Variants in GALNT13 observed in about 807,000 individuals in gnomAD.
The protein encoded by GALNT13 is UDP-GalNAc:polypeptide N-acetylgalactosaminyltransferase 13.
A neutral mutation model predicts 64.2 loss-of-function variants in GALNT13; 28 were observed. The ratio of observed to expected loss-of-function variants is 0.44; its 90% CI spans 0.32 to 0.60. The LOEUF (loss-of-function observed/expected upper bound fraction) is 0.60. Ranked by LOEUF, GALNT13 falls within the 20% of genes least tolerant of loss-of-function variation. GALNT13 has a pLI of 0.05. For synonymous variants in GALNT13, 214 were observed against 224.6 expected, an observed-to-expected ratio of 0.95 and a Z score of 0.42; for missense variants, 577 against 669.8, an observed-to-expected ratio of 0.86 and a Z score of 1.53.
At chr2:153,460,620 T>C in the GALNT13 span, among the ~76,000 whole-genome samples, 1 of 152,032 alleles carries the variant, frequency 6.6e-6, no homozygotes, top group African/African-American at 2.4e-5. Flanking sequence ...CAGTGTGGGG[T>C]TAAAGAGCAA....
chr2:154,432,937 G>A (rs1700774478), intron 11 of GALNT13, among the ~76,000 whole-genome samples: 1 of 152,160 alleles, frequency 6.6e-6, no homozygotes, highest in South Asian at 2.1e-4. Flanking sequence ...TTTGCCTGGA[G>A]AGATTAGTTG....
chr2:154,448,149 G>C (rs1456003246), intron 12 of GALNT13, among the ~76,000 whole-genome samples: 1 of 151,976 alleles, frequency 6.6e-6, no homozygotes, highest in Non-Finnish European at 1.5e-5. Flanking sequence ...TAGCTTCCAG[G>C]AACCAAATAA....
At chr2:153,576,318 A>C in the GALNT13 span, among the ~76,000 whole-genome samples, 1 of 152,088 alleles carries the variant, frequency 6.6e-6, no homozygotes. Context: ...CCAGTTCAAC[A>C]CTAGGACTCA....
chr2:153,223,103 G>A, the GALNT13 span, among the ~76,000 whole-genome samples: 35 of 152,332 alleles, frequency 2.3e-4, no homozygotes, highest in African/African-American at 7.7e-4. Flanking sequence ...ATGATAACGA[G>A]AAAAATTATT....
chr2:154,300,571 T>TTA (rs967902534), intron 8 of GALNT13, among the ~76,000 whole-genome samples: 152 of 151,048 alleles, frequency 1.0e-3, no homozygotes, highest in South Asian at 1.2e-3. Context: ...AGCATATATG[T>TTA]TATATATATA....
Position 154,048,380 on chromosome 2 carries a change from G to A in GALNT13, c.143-91957G>A, listed in dbSNP as rs1699397989. 3.9e-5 allele frequency among the ~76,000 whole-genome samples: 6 copies of A among 152,224 alleles called. No individual in the cohort carries two copies. The South Asian group carries it at 1.2e-3, about 32-fold the overall frequency. ...AGACATTGCCAAATGTACTCTGGGGGTAAAACTACCCCCAGTTGAGAATCC... is the reference window on the plus strand; with the variant it reads ...AGACATTGCCAAATGTACTCTGGGGATAAAACTACCCCCAGTTGAGAATCC... On this transcript the variant is annotated intron_variant, in intron 3 of 12. Transcript: ENST00000392825.
chr2:153,416,727 A>G, the GALNT13 span, among the ~76,000 whole-genome samples: 2 of 152,326 alleles, frequency 1.3e-5, no homozygotes, highest in African/African-American at 4.8e-5. Context: ...TATTTATTAC[A>G]TACTATGTGC....
the GALNT13 span, among the ~76,000 whole-genome samples, chr2:153,069,683 T>G: frequency 2.0e-5 from 3 of 152,154 alleles, no homozygotes; most frequent in African/African-American, 7.2e-5. Context: ...CTGCACAAGG[T>G]GGAGCTCCTT....
rs1435202473 is a variant in GALNT13, at chr2:154,453,401, A to G, written c.*2850A>G. On this transcript the variant is annotated 3_prime_UTR_variant, in exon 13 of 13. Coordinates refer to ENST00000392825, the MANE Select transcript of GALNT13 (RefSeq NM_052917.4). Reference sequence around the variant, plus strand: ...CTACCTTTTTCTAACACCATCTCTTATCTCTCATTATTCTGCCTCTTACTT... The same window carrying G: ...CTACCTTTTTCTAACACCATCTCTTGTCTCTCATTATTCTGCCTCTTACTT... 1 of 151,934 alleles carries G rather than the reference A, an allele frequency of 6.6e-6. No homozygotes were observed. The highest frequency in any genetic ancestry group is 1.5e-5 in the Non-Finnish European group (1 of 68,124). 9.4% of individuals were successfully genotyped at this position (151,934 alleles called of 1,614,324 possible).
chr2:154,162,916 A>T (rs1420601865), intron 4 of GALNT13, among the ~76,000 whole-genome samples: 1 of 151,682 alleles, frequency 6.6e-6, no homozygotes, highest in Non-Finnish European at 1.5e-5. Context: ...AAAGTCACTT[A>T]TGAAAAAGAA....
chr2:154,296,772 C>CT (rs966037575), intron 8 of GALNT13, among the ~76,000 whole-genome samples: 12 of 151,344 alleles, frequency 7.9e-5, no homozygotes, highest in South Asian at 2.1e-4. Flanking sequence ...TTTAAAGATT[C>CT]TTTTTTTTTG....
At chr2:153,770,844 A>G in the GALNT13 span, among the ~76,000 whole-genome samples, 3,189 of 152,244 alleles carry the variant, frequency 0.021, 60 homozygotes, top group South Asian at 0.042. Context: ...AGGTTCCCAA[A>G]TGGTAGGCAT....
chr2:153,364,490 C>G, the GALNT13 span, among the ~76,000 whole-genome samples: 2 of 152,120 alleles, frequency 1.3e-5, no homozygotes, highest in Non-Finnish European at 2.9e-5. Flanking sequence ...AAAATTCCAT[C>G]ATCTCAGCCC....
the GALNT13 span, among the ~76,000 whole-genome samples, chr2:153,142,885 T>C: frequency 0.11 from 16,203 of 151,976 alleles, 925 homozygotes; most frequent in African/African-American, 0.12. Context: ...AGGAATGATG[T>C]TAACATGGTG....
intron 3 of GALNT13, among the ~76,000 whole-genome samples, chr2:154,067,904 A>T (rs1270089215): frequency 6.7e-6 from 1 of 149,468 alleles, no homozygotes; most frequent in Non-Finnish European, 1.5e-5. Flanking sequence ...ACAGCAAAGA[A>T]GATAATCAAC....
At chr2:153,965,078 A>C (rs1015139417) in intron 3 of GALNT13, among the ~76,000 whole-genome samples, 20 of 152,246 alleles carry the variant, frequency 1.3e-4, no homozygotes, top group Non-Finnish European at 2.6e-4. Context: ...AAGGATACAT[A>C]ACAGTTTTAC....
chr2:153,651,162 A>C, the GALNT13 span, among the ~76,000 whole-genome samples: 2 of 152,198 alleles, frequency 1.3e-5, no homozygotes, highest in Non-Finnish European at 2.9e-5. Flanking sequence ...TTCGTACCAC[A>C]ATAAAGTAAC....
the GALNT13 span, among the ~76,000 whole-genome samples, chr2:153,399,689 G>A: frequency 6.6e-6 from 1 of 151,876 alleles, no homozygotes; most frequent in East Asian, 1.9e-4. Context: ...TGAAGCAATT[G>A]TGAATGGGAG....
chr2:153,367,827 CA>C, the GALNT13 span, among the ~76,000 whole-genome samples: 3 of 151,186 alleles, frequency 2.0e-5, no homozygotes, highest in Non-Finnish European at 4.4e-5. Context: ...AATAAAAAAT[CA>C]ACGTAAGAGA....
Sources: gnomAD v4.1 joint callset for allele counts (sites outside exome capture counted in the v4.1 genomes callset) on GRCh38, gnomAD v4.1.1 for gene constraint, MANE v1.5 for transcripts, NCBI Gene and HGNC (gene_info 2026-07-23, HGNC 2026-07-21) for gene names.